The following LRBA variants were observed in gnomAD, a reference collection of about 807,000 sequenced individuals.
LRBA encodes LPS responsive beige-like anchor protein, also known as lipopolysaccharide-responsive and beige-like anchor protein.
Under a neutral mutation model 330.0 loss-of-function variants are expected in LRBA, and 176 were observed. The ratio of observed to expected loss-of-function variants is 0.53; its 90% CI spans 0.47 to 0.60. LRBA has a LOEUF of 0.60. LRBA is among the 20% of genes least tolerant of loss of function. LRBA has a pLI of 0.00. For synonymous variants in LRBA, 1,230 were observed against 1,193.0 expected (o/e 1.03, Z -0.64); for missense variants, 3,259 against 3,444.8 (o/e 0.95, Z 1.35).
chr4:150,770,764 G>A (rs1226595322), intron 34 of LRBA, among the ~76,000 whole-genome samples: 2 of 152,012 alleles, frequency 1.3e-5, no homozygotes, highest in East Asian at 3.9e-4. Context: ...AGCTGGTCCT[G>A]GTACTGTACC....
intron 2 of LRBA, among the ~76,000 whole-genome samples, chr4:150,962,791 T>C (rs1229267703): frequency 6.8e-6 from 1 of 147,456 alleles, no homozygotes; most frequent in Non-Finnish European, 1.5e-5. Flanking sequence ...CTGTCTCTAC[T>C]AAAAATATAA....
chr4:150,476,621 C>T (rs976021520), intron 42 of LRBA, among the ~76,000 whole-genome samples: 1 of 152,174 alleles, frequency 6.6e-6, no homozygotes, highest in African/African-American at 2.4e-5. Flanking sequence ...CTCCTGGTAG[C>T]TGTTATAACC....
rs1446504627 is a variant in LRBA at position 150,321,187 on chromosome 4, T to C, written c.7630+4A>G. On this transcript the variant is annotated splice_donor_region_variant and intron_variant, in intron 50 of 56. Transcript: ENST00000651943. The surrounding 1 kb of genome is among the most constrained non-coding windows in gnomAD (Gnocchi z 4.5). Reference sequence around the variant, plus strand: ...ATGCCTTATAATGGTATTTCTTTACTTACCAGGAAGGTTGTGCCATTTGTT... The same window carrying C: ...ATGCCTTATAATGGTATTTCTTTACCTACCAGGAAGGTTGTGCCATTTGTT... 2.5e-6 allele frequency: 4 copies of C among 1,606,234 alleles called. No individual in the cohort carries two copies. The highest frequency in any genetic ancestry group is 2.5e-6 in the Non-Finnish European group (3 of 1,177,250).
At chr4:150,760,403 A>T (rs902755261) in intron 35 of LRBA, among the ~76,000 whole-genome samples, 1 of 152,072 alleles carries the variant, frequency 6.6e-6, no homozygotes, top group African/African-American at 2.4e-5. Flanking sequence ...CTTCATTTCA[A>T]TCAGGTCTTC....
chr4:150,910,248 C>G (rs757423891), intron 9 of LRBA, among the ~76,000 whole-genome samples: 1 of 152,130 alleles, frequency 6.6e-6, no homozygotes, highest in African/African-American at 2.4e-5. Context: ...TGTCGTAAAG[C>G]TTTTCCCTTG....
chr4:150,642,339 A>G (rs1240479961), intron 37 of LRBA, among the ~76,000 whole-genome samples: 2 of 151,964 alleles, frequency 1.3e-5, no homozygotes, highest in Non-Finnish European at 2.9e-5. Flanking sequence ...TCAAAAAAAG[A>G]AAGATAAAGA....
At chr4:150,892,410 G>A (rs373540260) in intron 17 of LRBA, among the ~76,000 whole-genome samples, 27 of 152,072 alleles carry the variant, frequency 1.8e-4, no homozygotes, top group African/African-American at 5.8e-4. Context: ...TAGGAGTAAC[G>A]TCATTGTAAG....
At chr4:150,570,629 T>A (rs776072425) in intron 40 of LRBA, among the ~76,000 whole-genome samples, 1 of 152,218 alleles carries the variant, frequency 6.6e-6, no homozygotes, top group East Asian at 1.9e-4. Flanking sequence ...TTTGTAACTA[T>A]AAAGCATTTG....
chr4:150,737,037 G>C (rs1419432701), intron 35 of LRBA, among the ~76,000 whole-genome samples: 1 of 152,070 alleles, frequency 6.6e-6, no homozygotes, highest in Non-Finnish European at 1.5e-5. Context: ...AATGTAGTGA[G>C]ATCCCATCTC....
intron 2 of LRBA, chr4:151,013,938 A>G (rs1175079534): frequency 6.5e-6 from 1 of 152,836 alleles, no homozygotes; most frequent in Non-Finnish European, 1.5e-5. Flanking sequence ...AACTAGTCAA[A>G]ATTAAAAATA....
At chr4:150,927,026 G>A (rs577548810) in intron 4 of LRBA, among the ~76,000 whole-genome samples, 149 of 149,104 alleles carry the variant, frequency 1.0e-3, no homozygotes, top group Admixed American at 2.2e-3. Context: ...AGCAGAGATC[G>A]CACCACTGGA....
chr4:150,429,862 GCTAA>G (rs1561165644), intron 46 of LRBA, among the ~76,000 whole-genome samples: 1 of 152,044 alleles, frequency 6.6e-6, no homozygotes, highest in Admixed American at 6.6e-5. Flanking sequence ...GGAGAGATAT[GCTAA>G]CTAAAGAACT....
intron 47 of LRBA, among the ~76,000 whole-genome samples, chr4:150,379,043 C>G (rs1741784953): frequency 6.6e-6 from 1 of 152,004 alleles, no homozygotes; most frequent in Admixed American, 6.6e-5. Context: ...CTCATGCCGC[C>G]TGTAATACCA....
chr4:150,827,802 ATGTT>A (rs1458438632), intron 30 of LRBA, among the ~76,000 whole-genome samples: 2 of 151,850 alleles, frequency 1.3e-5, no homozygotes, highest in Non-Finnish European at 1.5e-5. Context: ...GGGTTTCACC[ATGTT>A]GGTCAGGCTG....
chr4:150,808,231 T>C, intron 32 of LRBA, 89 bp downstream of exon 32: 1 of 804,468 alleles, frequency 1.2e-6, no homozygotes, highest in South Asian at 1.7e-5. Flanking sequence ...TGAAATGAAA[T>C]GAAATGAAAC....
rs28837856 is a variant in LRBA, at chr4:150,503,614, A to G, written c.6331-12579T>C. Among the ~76,000 whole-genome samples the G allele has an allele frequency of 5.9e-3, 892 of 152,326 alleles. 12 individuals are homozygous for G. Among genetic ancestry groups the G allele is most frequent in the African/African-American group, 0.02 (849 of 41,576 alleles). ...GGACATTACCATCATCAAAGACCAAAGGTAGATAAAACCACAAAGATGGGG... is the reference window on the plus strand; with the variant it reads ...GGACATTACCATCATCAAAGACCAAGGGTAGATAAAACCACAAAGATGGGG... On this transcript the variant is annotated intron_variant, in intron 40 of 56. Coordinates refer to ENST00000651943, the MANE Select transcript of LRBA (RefSeq NM_001364905.1).
chr4:150,348,546 A>G (rs1270121125), intron 48 of LRBA, among the ~76,000 whole-genome samples: 3 of 152,240 alleles, frequency 2.0e-5, no homozygotes. Flanking sequence ...TTATGCTGGT[A>G]CAAAAAACAA....
intron 17 of LRBA, among the ~76,000 whole-genome samples, chr4:150,889,317 G>T (rs1435455292): frequency 6.6e-6 from 1 of 151,546 alleles, no homozygotes; most frequent in Non-Finnish European, 1.5e-5. Context: ...GCAACCTCTG[G>T]CATAAATGGC....
At chr4:150,940,914 A>G (rs1227833354) in intron 2 of LRBA, among the ~76,000 whole-genome samples, 1 of 151,574 alleles carries the variant, frequency 6.6e-6, no homozygotes, top group Non-Finnish European at 1.5e-5. Flanking sequence ...CCTCTATTTC[A>G]TAATTTATTA....
Sources: allele counts gnomAD v4.1 joint callset (sites outside exome capture counted in the v4.1 genomes callset), GRCh38; gene constraint gnomAD v4.1.1; non-coding constraint Gnocchi (gnomAD v3.1); transcripts MANE v1.5; gene names NCBI Gene and HGNC (gene_info 2026-07-23, HGNC 2026-07-21).